ANO10: variants seen among roughly 807,000 people sequenced by gnomAD.
ANO10 encodes anoctamin-10.
A neutral mutation model predicts 74.7 loss-of-function variants in ANO10; 77 were observed. The observed-to-expected ratio is 1.03, with a 90% CI of 0.86 to 1.25. ANO10 has a LOEUF of 1.25. ANO10 is among the 50% of genes most tolerant of loss of function. The probability of loss-of-function intolerance (pLI) is 0.00; values close to 1 mark genes in which losing one functional copy is unlikely to be tolerated. For missense variants in ANO10, 721 were observed against 778.1 expected (o/e 0.93, Z 0.87); for synonymous variants, 279 against 284.9 (o/e 0.98, Z 0.21).
chr3:43,657,869 T>A (rs1158523739), intron 1 of ANO10, among the ~76,000 whole-genome samples: 1 of 152,242 alleles, frequency 6.6e-6, no homozygotes, highest in East Asian at 1.9e-4. Context: ...TGAAAGCAGC[T>A]ATGTTTTTAT....
intron 10 of ANO10, among the ~76,000 whole-genome samples, chr3:43,553,649 C>T (rs963895186): frequency 1.3e-5 from 2 of 151,864 alleles, no homozygotes; most frequent in African/African-American, 4.8e-5. Flanking sequence ...GATTCTCCTG[C>T]CTCAGCCTCC....
At chr3:43,563,274 C>G (rs977926388) in intron 8 of ANO10, among the ~76,000 whole-genome samples, 2 of 152,050 alleles carry the variant, frequency 1.3e-5, no homozygotes, top group African/African-American at 4.8e-5. Context: ...AGATATCATC[C>G]TACTCCAAAT....
intron 11 of ANO10, among the ~76,000 whole-genome samples, chr3:43,522,646 A>G (rs1463306176): frequency 6.6e-6 from 1 of 152,228 alleles, no homozygotes; most frequent in African/African-American, 2.4e-5. Flanking sequence ...GCAAGCCACA[A>G]ATACCAATTC....
chr3:43,538,690 T>G (rs1031359296), intron 11 of ANO10, among the ~76,000 whole-genome samples: 2 of 152,068 alleles, frequency 1.3e-5, no homozygotes, highest in Non-Finnish European at 2.9e-5. Flanking sequence ...CTTTTGGACT[T>G]GAGGGTGGTT....
intron 11 of ANO10, among the ~76,000 whole-genome samples, chr3:43,506,937 T>C (rs1022771159): frequency 3.3e-5 from 5 of 152,158 alleles, no homozygotes; most frequent in Admixed American, 2.6e-4. Context: ...CCCCCTAAAA[T>C]ACACTCCACG....
At chr3:43,565,993 C>T (rs911723603) in intron 7 of ANO10, among the ~76,000 whole-genome samples, 6 of 152,164 alleles carry the variant, frequency 3.9e-5, no homozygotes, top group East Asian at 3.9e-4. Flanking sequence ...GTGTGCGAGC[C>T]GAAGCAGGGC....
chr3:43,409,356 T>C (rs1559517601), intron 12 of ANO10, among the ~76,000 whole-genome samples: 1 of 152,108 alleles, frequency 6.6e-6, no homozygotes, highest in East Asian at 1.9e-4. Flanking sequence ...AAGATCAGCC[T>C]GGGCAACACG....
chr3:43,678,915 T>C (rs2084158041), intron 1 of ANO10, among the ~76,000 whole-genome samples: 3 of 152,248 alleles, frequency 2.0e-5, no homozygotes, highest in African/African-American at 4.8e-5. Context: ...TTGCCAGTTT[T>C]AGTAAGTTAT....
chr3:43,378,911 C>T (rs1420191558), intron 12 of ANO10, among the ~76,000 whole-genome samples: 2 of 152,172 alleles, frequency 1.3e-5, no homozygotes, highest in African/African-American at 4.8e-5. Flanking sequence ...AATTTTTACT[C>T]ATTCCCACCT....
intron 6 of ANO10, among the ~76,000 whole-genome samples, chr3:43,575,448 C>G (rs1207951859): frequency 6.6e-6 from 1 of 152,160 alleles, no homozygotes; most frequent in Non-Finnish European, 1.5e-5. Flanking sequence ...CAGCCACTGC[C>G]TAACCTTGGG....
chr3:43,691,256 T>G, intron 1 of ANO10: 2 of 389,982 alleles, frequency 5.1e-6, no homozygotes, highest in Non-Finnish European at 4.4e-6. Flanking sequence ...GGCCCCGAGG[T>G]GTCTGAGCCG....
intron 12 of ANO10, among the ~76,000 whole-genome samples, chr3:43,396,572 C>T (rs149681500): frequency 0.011 from 1,607 of 152,054 alleles, 25 homozygotes; most frequent in African/African-American, 0.036. Context: ...CTCCTGACCT[C>T]GTGATCCACC....
intron 4 of ANO10, among the ~76,000 whole-genome samples, chr3:43,593,659 C>A (rs1473893126): frequency 6.6e-6 from 1 of 151,090 alleles, no homozygotes; most frequent in Non-Finnish European, 1.5e-5. Flanking sequence ...AAAAAACATG[C>A]CCAACTGTAA....
intron 11 of ANO10, among the ~76,000 whole-genome samples, chr3:43,504,951 A>T (rs1249208656): frequency 6.6e-6 from 1 of 152,266 alleles, no homozygotes; most frequent in East Asian, 1.9e-4. Flanking sequence ...AAAGAAAATT[A>T]TTCTTGAATC....
chr3:43,686,890 G>A (rs1212671809), intron 1 of ANO10, among the ~76,000 whole-genome samples: 5 of 152,052 alleles, frequency 3.3e-5, no homozygotes, highest in Non-Finnish European at 7.3e-5. Flanking sequence ...GAGCTAGTTA[G>A]AAATAGAGAT....
intron 11 of ANO10, among the ~76,000 whole-genome samples, chr3:43,459,672 G>A (rs1211228534): frequency 6.6e-6 from 1 of 152,176 alleles, no homozygotes; most frequent in Non-Finnish European, 1.5e-5. Context: ...GCCAGTGCCT[G>A]TCTGGAGCTT....
chr3:43,649,472 G>A (rs891667587), intron 1 of ANO10, among the ~76,000 whole-genome samples: 11 of 152,306 alleles, frequency 7.2e-5, no homozygotes, highest in Non-Finnish European at 5.9e-5. Context: ...TGAAACTTGA[G>A]TGTCCTGTCA....
chr3:43,587,757 T>A (rs2081545713), intron 4 of ANO10, among the ~76,000 whole-genome samples: 1 of 151,936 alleles, frequency 6.6e-6, no homozygotes, highest in Non-Finnish European at 1.5e-5. Flanking sequence ...GACACAGTAA[T>A]ATCCTCAATA....
intron 12 of ANO10, among the ~76,000 whole-genome samples, chr3:43,402,111 C>T (rs2092492719): frequency 6.6e-6 from 1 of 152,228 alleles, no homozygotes; most frequent in African/African-American, 2.4e-5. Context: ...CATGCCTGCT[C>T]ACTCACTAGT....
Sources: allele counts gnomAD v4.1 joint callset (sites outside exome capture counted in the v4.1 genomes callset), GRCh38; gene constraint gnomAD v4.1.1; transcripts MANE v1.5; gene names NCBI Gene and HGNC (gene_info 2026-07-23, HGNC 2026-07-21).